Variants in DPF3 observed in about 807,000 individuals in gnomAD.
DPF3 encodes the protein double PHD fingers 3.
DPF3 carries 18 observed loss-of-function variants against 56.8 expected under a neutral mutation model. That is an observed-to-expected ratio of 0.32 (90% CI 0.22 to 0.47). DPF3 has a LOEUF of 0.47. Ranked by LOEUF, DPF3 falls within the 20% of genes least tolerant of loss-of-function variation. The pLI, the probability that DPF3 is intolerant of heterozygous loss-of-function variation, is 1.00. For synonymous variants in DPF3, 188 were observed against 180.2 expected (o/e 1.04, Z -0.35); for missense variants, 403 against 488.8 (o/e 0.82, Z 1.65).
intron 8 of DPF3, among the ~76,000 whole-genome samples, chr14:72,664,010 C>A (rs1390617495): frequency 6.6e-6 from 1 of 152,144 alleles, no homozygotes; most frequent in Non-Finnish European, 1.5e-5. Context: ...CCCCATCCCA[C>A]CCCACTGTCT....
chr14:72,785,064 T>G (rs903508020), intron 1 of DPF3, among the ~76,000 whole-genome samples: 1 of 151,906 alleles, frequency 6.6e-6, no homozygotes, highest in Non-Finnish European at 1.5e-5. Context: ...GGCAGGAGAA[T>G]CACTTGAGGC....
At chr14:72,881,534 G>T (rs1378497586) in intron 1 of DPF3, among the ~76,000 whole-genome samples, 1 of 152,178 alleles carries the variant, frequency 6.6e-6, no homozygotes, top group African/African-American at 2.4e-5. Flanking sequence ...AAAGGTCTTG[G>T]GGGTAGGAGG....
At chr14:72,884,959 T>TATATATATATATATATATACATATAC (rs1886474970) in intron 1 of DPF3, among the ~76,000 whole-genome samples, 1 of 101,722 alleles carries the variant, frequency 9.8e-6, no homozygotes, top group Non-Finnish European at 2.1e-5. Context: ...TATATATATA[T>TATATATATATATATATATACATATAC]ATATATATAT....
chr14:72,879,931 A>G, intron 1 of DPF3: 1 of 1,508,862 alleles, frequency 6.6e-7, no homozygotes, highest in Non-Finnish European at 8.8e-7. Flanking sequence ...CAACTTTCAT[A>G]GGATTCTTGA....
chr14:72,829,775 G>A (rs369690508), intron 1 of DPF3, among the ~76,000 whole-genome samples: 49 of 151,386 alleles, frequency 3.2e-4, no homozygotes, highest in African/African-American at 1.1e-3. Flanking sequence ...ACAGAGTCTC[G>A]CTCTGTCACC....
intron 6 of DPF3, among the ~76,000 whole-genome samples, chr14:72,694,586 G>C (rs76551004): frequency 3.6e-4 from 54 of 152,108 alleles, no homozygotes; most frequent in Non-Finnish European, 7.2e-4. Flanking sequence ...GATTCTCTTG[G>C]GGTTTTTCAG....
At position 72,731,877 on chromosome 14, in the gene DPF3, G is replaced by C. The variant is rs1889668637; in HGVS notation, c.359C>G (p.Ala120Gly). The change falls in exon 4 of 11, where the codon GCC becomes GGC. Residue 120 changes from alanine (A) to glycine (G), a missense_variant. By Grantham distance (60) the Ala-to-Gly change is moderately conservative. Coordinates refer to ENST00000556509, the MANE Select transcript of DPF3 (RefSeq NM_001280542.3). ...CTCAACCCCCTCGCCACGGAGCAAG[G>C]CTTCCAGCGTGGTGCTCTCTGAGGT... Reference protein sequence around the residue: ...GFTSESTTLEALLRGEGVEKK... With the variant: ...GFTSESTTLEGLLRGEGVEKK... 6.2e-7 allele frequency: 1 copy of C among 1,610,082 alleles called. No homozygotes were observed. The highest frequency in any genetic ancestry group is 1.3e-5 in the African/African-American group (1 of 74,834).
intron 1 of DPF3, chr14:72,836,553 A>C (rs1193117662): frequency 5.1e-6 from 5 of 972,986 alleles, no homozygotes. Context: ...TGCCATGCCT[A>C]CTGTGATGTC....
rs979887078 is a variant in DPF3 at position 72,723,570 on chromosome 14, A to G, written c.525+63T>C. 9.4e-6 allele frequency: 13 copies of G among 1,377,090 alleles called. No homozygotes were observed. The African/African-American group carries it at 1.6e-4, about 17-fold the overall frequency. 85.3% of individuals were successfully genotyped at this position (1,377,090 alleles called of 1,614,324 possible). A position where few individuals can be genotyped will look rare whatever the true frequency, so the allele number is the denominator to read the frequency against. ...TTCCATCTAGCTGCAGTGGAGATCA[A>G]TCGTTGGCCGGGCACCCCAGCCTCC... On this transcript the variant is annotated intron_variant, in intron 5 of 10. Coordinates refer to ENST00000556509, the MANE Select transcript of DPF3 (RefSeq NM_001280542.3).
At chr14:72,764,434 G>A (rs937576313) in intron 2 of DPF3, among the ~76,000 whole-genome samples, 1 of 139,714 alleles carries the variant, frequency 7.2e-6, no homozygotes, top group Non-Finnish European at 1.5e-5. Context: ...TCAGATACAT[G>A]TCCTTCGTAA....
chr14:72,654,922 G>A (rs958428732), intron 8 of DPF3, among the ~76,000 whole-genome samples: 1 of 152,014 alleles, frequency 6.6e-6, no homozygotes, highest in Non-Finnish European at 1.5e-5. Context: ...TTTCAATTAC[G>A]GACAAAAAGT....
At chr14:72,730,083 ATTT>A (rs977961109) in intron 4 of DPF3, among the ~76,000 whole-genome samples, 1 of 151,402 alleles carries the variant, frequency 6.6e-6, no homozygotes, top group African/African-American at 2.4e-5. Flanking sequence ...GTTAAAAAAT[ATTT>A]TTTTTTAAAG....
chr14:72,873,938 G>T (rs1886005631), intron 1 of DPF3, among the ~76,000 whole-genome samples: 1 of 151,738 alleles, frequency 6.6e-6, no homozygotes, highest in Admixed American at 6.6e-5. Context: ...TGGGGGGAAG[G>T]GGAGGGATAG....
chr14:72,703,799 C>A lies in DPF3; in HGVS notation c.605-10586G>T, dbSNP rs139464355. ...TGCCTGGCACACAGCACATGTTCAA[C>A]AAACATCAGCTATTTTTGATCATTC... On this transcript the variant is annotated intron_variant, in intron 6 of 10. Coordinates refer to ENST00000556509, the MANE Select transcript of DPF3 (RefSeq NM_001280542.3). 7.7e-4 allele frequency among the ~76,000 whole-genome samples: 118 copies of A among 152,338 alleles called. 1 individual carries two copies. Among genetic ancestry groups the A allele is most frequent in the African/African-American group, 2.7e-3 (113 of 41,584 alleles).
chr14:72,722,814 T>C (rs1206852484), intron 5 of DPF3, among the ~76,000 whole-genome samples: 1 of 152,206 alleles, frequency 6.6e-6, no homozygotes, highest in African/African-American at 2.4e-5. Flanking sequence ...TCAACCTGAA[T>C]GCCTGGAAGT....
chr14:72,791,896 C>A (rs1892449024), intron 1 of DPF3, among the ~76,000 whole-genome samples: 1 of 152,200 alleles, frequency 6.6e-6, no homozygotes, highest in Non-Finnish European at 1.5e-5. Context: ...CCCACAGACT[C>A]GAACCTAGTC....
intron 1 of DPF3, among the ~76,000 whole-genome samples, chr14:72,810,292 A>G (rs1255952771): frequency 6.6e-6 from 1 of 152,204 alleles, no homozygotes; most frequent in Non-Finnish European, 1.5e-5. Context: ...AACCCAGGCT[A>G]AATGGGAGCA....
At chr14:72,761,351 G>T (rs1287969484) in intron 2 of DPF3, among the ~76,000 whole-genome samples, 1 of 151,926 alleles carries the variant, frequency 6.6e-6, no homozygotes, top group Non-Finnish European at 1.5e-5. Flanking sequence ...AAATTTAAAA[G>T]AATTTGAACC....
intron 8 of DPF3, among the ~76,000 whole-genome samples, chr14:72,667,606 A>G (rs1220326323): frequency 6.6e-6 from 1 of 152,196 alleles, no homozygotes; most frequent in Non-Finnish European, 1.5e-5. Flanking sequence ...AGCTCCTACA[A>G]TTCCTAAGGT....
Sources: gnomAD v4.1 joint callset for allele counts (sites outside exome capture counted in the v4.1 genomes callset) on GRCh38, gnomAD v4.1.1 for gene constraint, MANE v1.5 for transcripts, NCBI Gene and HGNC (gene_info 2026-07-23, HGNC 2026-07-21) for gene names.